PPM1H: variants seen among roughly 807,000 people sequenced by gnomAD.
The protein encoded by PPM1H is protein phosphatase, Mg2+/Mn2+ dependent 1H, also known as protein phosphatase 1H.
Under a neutral mutation model 54.9 loss-of-function variants are expected in PPM1H, and 27 were observed. That is an observed-to-expected ratio of 0.49 (90% CI 0.36 to 0.68). The LOEUF is 0.68. Among genes scored for constraint, PPM1H ranks in the 30% least tolerant of loss-of-function variants. The pLI is 0.00. For synonymous variants in PPM1H, 305 were observed against 270.8 expected (o/e 1.13, Z -1.24); for missense variants, 596 against 667.8 (o/e 0.89, Z 1.19).
intron 8 of PPM1H, among the ~76,000 whole-genome samples, chr12:62,676,469 C>T (rs1221027289): frequency 6.6e-6 from 1 of 152,140 alleles, no homozygotes; most frequent in African/African-American, 2.4e-5. Flanking sequence ...AGCCACCCAA[C>T]CATGGCTGCA....
chr12:62,724,457 G>A (rs2076279304), intron 5 of PPM1H, among the ~76,000 whole-genome samples: 1 of 152,212 alleles, frequency 6.6e-6, no homozygotes, highest in South Asian at 2.1e-4. Context: ...GGCTGCGTCA[G>A]AAGATCTGTT....
At chr12:62,679,801 C>T (rs907911828) in intron 8 of PPM1H, among the ~76,000 whole-genome samples, 2 of 152,216 alleles carry the variant, frequency 1.3e-5, no homozygotes, top group Non-Finnish European at 2.9e-5. Context: ...GTCCCCAGTA[C>T]TTAAGTTTAA....
At chr12:62,852,012 T>A (rs1440171537) in intron 1 of PPM1H, among the ~76,000 whole-genome samples, 1 of 151,634 alleles carries the variant, frequency 6.6e-6, no homozygotes, top group Non-Finnish European at 1.5e-5. Flanking sequence ...GGTGGGTGGA[T>A]GAGGTCAGGG....
intron 3 of PPM1H, among the ~76,000 whole-genome samples, chr12:62,794,811 CCT>C (rs1382006910): frequency 2.0e-5 from 3 of 152,106 alleles, no homozygotes; most frequent in African/African-American, 7.2e-5. Context: ...CTTATTTATA[CCT>C]ATTGTCCTGG....
intron 6 of PPM1H, among the ~76,000 whole-genome samples, chr12:62,699,902 G>A (rs2076134605): frequency 6.6e-6 from 1 of 152,152 alleles, no homozygotes; most frequent in Non-Finnish European, 1.5e-5. Flanking sequence ...ACCTAAGCTG[G>A]CTCTCCTGAT....
At chr12:62,801,558 G>A (rs187281727) in intron 3 of PPM1H, among the ~76,000 whole-genome samples, 3 of 152,126 alleles carry the variant, frequency 2.0e-5, no homozygotes, top group Admixed American at 2.0e-4. Context: ...CTCCTGCCTC[G>A]GCCTCCCAAA....
rs1868593680 is a variant in PPM1H at position 62,838,693 on chromosome 12, GGGC to G, written c.246-6417_246-6415del. On this transcript the variant is annotated intron_variant, in intron 1 of 9. Transcript: ENST00000228705. ...TCCCAGCACTTTGGGAGGCCGAGGCGGGCGGATCACGAGGTCAGGAGATCGAGA... is the reference window on the plus strand; with the variant it reads ...TCCCAGCACTTTGGGAGGCCGAGGCGGGATCACGAGGTCAGGAGATCGAGA... Among the ~76,000 whole-genome samples the G allele has an allele frequency of 2.0e-5, 2 of 102,358 alleles. 1 individual carries two copies. Among genetic ancestry groups the G allele is most frequent in the Non-Finnish European group, 4.0e-5 (2 of 50,222 alleles). The allele number at this position is 102,358 out of a possible 152,430, so 67.2% of individuals were successfully genotyped here.
chr12:62,771,220 C>T (rs992255585), intron 4 of PPM1H, among the ~76,000 whole-genome samples: 6 of 149,156 alleles, frequency 4.0e-5, no homozygotes, highest in African/African-American at 1.2e-4. Flanking sequence ...TCACAAAATT[C>T]GAGAGCTGGA....
intron 1 of PPM1H, among the ~76,000 whole-genome samples, chr12:62,927,658 G>A (rs371776628): frequency 9.6e-4 from 138 of 144,090 alleles, no homozygotes; most frequent in African/African-American, 3.3e-3. Flanking sequence ...GCGAAACTCC[G>A]TCTCAAAAAA....
At chr12:62,656,838 GGC>G (rs1371237885) in intron 9 of PPM1H, among the ~76,000 whole-genome samples, 1 of 152,092 alleles carries the variant, frequency 6.6e-6, no homozygotes, top group Non-Finnish European at 1.5e-5. Context: ...CTATGGCAGT[GGC>G]GTCTTGGTGG....
intron 2 of PPM1H, among the ~76,000 whole-genome samples, chr12:62,825,455 T>A (rs1386725915): frequency 1.3e-5 from 2 of 152,216 alleles, no homozygotes; most frequent in African/African-American, 2.4e-5. Context: ...GCAGCACTAT[T>A]CACAATAGCA....
At chr12:62,843,277 A>G (rs948665940) in intron 1 of PPM1H, among the ~76,000 whole-genome samples, 4 of 152,258 alleles carry the variant, frequency 2.6e-5, no homozygotes, top group African/African-American at 9.6e-5. Context: ...AGATGGCGCC[A>G]CTGCACTCCA....
chr12:62,855,191 A>G (rs1016246202), intron 1 of PPM1H, among the ~76,000 whole-genome samples: 2 of 152,170 alleles, frequency 1.3e-5, no homozygotes, highest in Non-Finnish European at 2.9e-5. Context: ...TTTAGTGCTG[A>G]AAGTTTTCCC....
At chr12:62,803,739 G>A (rs577922279) in intron 2 of PPM1H, among the ~76,000 whole-genome samples, 142 of 152,250 alleles carry the variant, frequency 9.3e-4, no homozygotes, top group South Asian at 1.5e-3. Context: ...AGCAAAGGAA[G>A]TAATCAACAA....
intron 4 of PPM1H, among the ~76,000 whole-genome samples, chr12:62,741,073 G>T (rs918423652): frequency 4.6e-5 from 7 of 152,122 alleles, no homozygotes; most frequent in African/African-American, 1.7e-4. Flanking sequence ...CAAAATTAAT[G>T]ATCCTGTCCC....
At chr12:62,888,089 T>C (rs1454804595) in intron 1 of PPM1H, among the ~76,000 whole-genome samples, 1 of 152,040 alleles carries the variant, frequency 6.6e-6, no homozygotes, top group Non-Finnish European at 1.5e-5. Context: ...GAAGAGGCTG[T>C]AGTGAAGATG....
chr12:62,700,099 A>G (rs1322863545), intron 6 of PPM1H, among the ~76,000 whole-genome samples: 2 of 151,006 alleles, frequency 1.3e-5, no homozygotes, highest in Admixed American at 1.3e-4. Context: ...ACATTCTCCC[A>G]CCTGCCCCGA....
chr12:62,898,428 A>C (rs1366106358), intron 1 of PPM1H, among the ~76,000 whole-genome samples: 1 of 152,246 alleles, frequency 6.6e-6, no homozygotes, highest in Non-Finnish European at 1.5e-5. Context: ...AAACGCACTG[A>C]AAAGAGAACA....
At chr12:62,754,036 G>A (rs1312195703) in intron 4 of PPM1H, among the ~76,000 whole-genome samples, 1 of 152,114 alleles carries the variant, frequency 6.6e-6, no homozygotes, top group Non-Finnish European at 1.5e-5. Flanking sequence ...TATTACAGAA[G>A]AGAATCTTGC....
Sources: gnomAD v4.1 joint callset for allele counts (sites outside exome capture counted in the v4.1 genomes callset) on GRCh38, gnomAD v4.1.1 for gene constraint, MANE v1.5 for transcripts, NCBI Gene and HGNC (gene_info 2026-07-23, HGNC 2026-07-21) for gene names.